PPL: variants seen among roughly 807,000 people sequenced by gnomAD.
PPL encodes periplakin, also known as 190 kDa paraneoplastic pemphigus antigen.
PPL carries 198 observed loss-of-function variants against 194.4 expected under a neutral mutation model. The ratio of observed to expected loss-of-function variants is 1.02; its 90% CI spans 0.91 to 1.15. PPL has a LOEUF of 1.15. PPL is among the 50% of genes most tolerant of loss of function. PPL has a pLI of 0.00. For synonymous variants in PPL, 1,220 were observed against 972.4 expected (o/e 1.25, Z -4.74); for missense variants, 2,885 against 2,294.8 (o/e 1.26, Z -5.25).
intron 1 of PPL, among the ~76,000 whole-genome samples, chr16:4,923,603 C>G (rs1358935043): frequency 6.6e-6 from 1 of 152,188 alleles, no homozygotes; most frequent in Admixed American, 6.5e-5. Flanking sequence ...TTCTACCCTG[C>G]CTGCAGGGGA....
At chr16:4,932,893 A>G (rs2089242959) in intron 1 of PPL, among the ~76,000 whole-genome samples, 1 of 152,092 alleles carries the variant, frequency 6.6e-6, no homozygotes, top group African/African-American at 2.4e-5. Flanking sequence ...TAGATGAAGA[A>G]ACTGAGGCTC....
chr16:4,935,043 C>T (rs79360010), intron 1 of PPL, among the ~76,000 whole-genome samples: 4,095 of 152,224 alleles, frequency 0.027, 72 homozygotes, highest in East Asian at 0.053. Context: ...GAGAAAGAGA[C>T]GTCTAAATGG....
At position 4,883,861 on chromosome 16, in the gene PPL, G is replaced by A. The variant is rs1481618034; in HGVS notation, c.4794C>T (p.Asn1598=). ...TGGTCCCAGAGTCCGCCACGGTCAT[G>A]TTCCGCAGGTCTCGTGTTTCCGTCG... The part of the protein sequence containing the change: ...MAATETRDLR[N]MTVADSGTNH... The change falls in exon 22 of 22, where the codon AAC becomes AAT. Residue 1598 remains asparagine (N), a synonymous_variant. Transcript: ENST00000345988. The surrounding 1 kb of genome is among the most constrained non-coding windows in gnomAD (Gnocchi z 4.8). 6.8e-6 allele frequency: 11 copies of A among 1,614,036 alleles called. No individual in the cohort carries two copies. Among genetic ancestry groups the A allele is most frequent in the Middle Eastern group, 1.6e-4 (1 of 6,062 alleles).
At chr16:4,906,631 G>A (rs1298746162) in intron 2 of PPL, among the ~76,000 whole-genome samples, 3 of 152,204 alleles carry the variant, frequency 2.0e-5, no homozygotes, top group Admixed American at 6.5e-5. Context: ...TGCCTAATTC[G>A]TGAAGGTGCC....
At chr16:4,889,238 G>GTTGGT (rs1596545589) in intron 18 of PPL, among the ~76,000 whole-genome samples, 177 bp from the exon 19 acceptor site, 1 of 21,788 alleles carries the variant, frequency 4.6e-5, no homozygotes, top group African/African-American at 7.5e-5. Flanking sequence ...TTTTGTTGTT[G>GTTGGT]TTGTTTTTTT....
intron 2 of PPL, among the ~76,000 whole-genome samples, chr16:4,905,688 A>T (rs551274510): frequency 6.6e-6 from 1 of 152,196 alleles, no homozygotes; most frequent in South Asian, 2.1e-4. Flanking sequence ...CGAAGTAAAG[A>T]CTTGGCTTCT....
Position 4,890,713 on chromosome 16 carries a change from C to A in PPL, c.2162+15G>T. The A allele has an allele frequency of 6.3e-7, 1 of 1,593,404 alleles. No individual in the cohort carries two copies. Among genetic ancestry groups the A allele is most frequent in the East Asian group, 2.3e-5 (1 of 44,408 alleles). ...CTCAGAAAACAAAAATGGCCACCACCCACCGCACCCTCACCTGCGTTCCAC... is the reference window on the plus strand; with the variant it reads ...CTCAGAAAACAAAAATGGCCACCACACACCGCACCCTCACCTGCGTTCCAC... On this transcript the variant is annotated intron_variant, in intron 17 of 21. Transcript: ENST00000345988.
chr16:4,930,594 C>A (rs1023595450), intron 1 of PPL, among the ~76,000 whole-genome samples: 1 of 152,204 alleles, frequency 6.6e-6, no homozygotes, highest in South Asian at 2.1e-4. Context: ...GGCAGCCACA[C>A]AGCCACATGT....
chr16:4,895,503 T>C, intron 10 of PPL, 91 bp downstream of exon 10: 2 of 1,602,984 alleles, frequency 1.2e-6, no homozygotes, highest in African/African-American at 2.7e-5. Flanking sequence ...GGTGGGGTGC[T>C]GTGGAGGGGC....
At chr16:4,906,229 GT>G (rs968569246) in intron 2 of PPL, among the ~76,000 whole-genome samples, 82 of 151,926 alleles carry the variant, frequency 5.4e-4, no homozygotes, top group African/African-American at 2.0e-3. Flanking sequence ...AATTTTTTTT[GT>G]TTTTTTATTT....
intron 2 of PPL, among the ~76,000 whole-genome samples, chr16:4,905,399 T>C (rs968372783): frequency 7.9e-5 from 12 of 152,070 alleles, no homozygotes; most frequent in African/African-American, 2.2e-4. Context: ...TCCAGAGAGA[T>C]GGAAAGTCAC....
rs2088196139 is a variant in PPL, at chr16:4,885,311, T to G, written c.3344A>C (p.Lys1115Thr). 1.2e-6 allele frequency: 2 copies of G among 1,612,446 alleles called. No individual in the cohort carries two copies. Among genetic ancestry groups the G allele is most frequent in the Non-Finnish European group, 8.5e-7 (1 of 1,179,978 alleles). ...GTCCTTCTCCACCTTGAGCACCTCC[T>G]TGACGGTGATCTTGCCCTCGGCCAT... ...RAMAEGKITV[K>T]EVLKVEKDAA... Residue 1115 changes from lysine (K) to threonine (T), a missense_variant, in exon 22 of 22, where the codon AAG becomes ACG. Coordinates refer to ENST00000345988, the MANE Select transcript of PPL (RefSeq NM_002705.5). The surrounding 1 kb of genome is among the most constrained non-coding windows in gnomAD (Gnocchi z 6.3).
At position 4,883,712 on chromosome 16, in the gene PPL, T is replaced by G; in HGVS notation, c.4943A>C (p.Glu1648Ala). ...KRLGSVAVKR[E>A]QRENHLRRSI... is the part of the protein sequence containing the mutation. The stretch of plus-strand genomic sequence containing the variant: ...GCGCCGCAGGTGGTTCTCCCGCTGC[T>G]CCCGCTTGACGGCCACGGAGCCCAG... The change falls in exon 22 of 22, where the codon GAG becomes GCG. Residue 1648 changes from glutamate (E) to alanine (A), a missense_variant. Glu to Ala is a moderately radical substitution (Grantham distance 107). Coordinates refer to ENST00000345988, the MANE Select transcript of PPL (RefSeq NM_002705.5). This position sits in a 1 kb window ranked among gnomAD's most constrained non-coding sequence, Gnocchi z 4.8. 1 of 1,613,966 alleles carries G rather than the reference T, an allele frequency of 6.2e-7. No individual in the cohort carries two copies. Among genetic ancestry groups the G allele is most frequent in the Non-Finnish European group, 8.5e-7 (1 of 1,179,990 alleles).
rs2088205588 is a variant in PPL, at chr16:4,885,698, C to G, written c.2957G>C (p.Arg986Thr). ...GACCACGTACTCCTGCCCCCCGTCT[C>G]TGGTCTCCTGCTCCAGGGCACGCAG... Reference protein sequence around the residue: ...LQLRALEQETRDGGQEYVVKE... With the variant: ...LQLRALEQETTDGGQEYVVKE... The change falls in exon 22 of 22, where the codon AGA becomes ACA. Residue 986 changes from arginine to threonine, a missense_variant. Transcript: ENST00000345988. This position sits in a 1 kb window ranked among gnomAD's most constrained non-coding sequence, Gnocchi z 6.3. 1.9e-6 allele frequency: 3 copies of G among 1,613,392 alleles called. No homozygotes were observed. In the East Asian group the frequency reaches 6.7e-5, roughly 36 times the overall value.
chr16:4,936,943 G>A (rs1338726292), intron 1 of PPL, 41 bp downstream of exon 1: 1 of 1,563,228 alleles, frequency 6.4e-7, no homozygotes, highest in Non-Finnish European at 8.7e-7. Context: ...CGCCCACAGG[G>A]GCAAGAGCGT....
chr16:4,891,568 T>A (rs2660244), intron 16 of PPL: 3 of 408,158 alleles, frequency 7.4e-6, no homozygotes, highest in Non-Finnish European at 1.3e-5. Flanking sequence ...CATGTGCCAC[T>A]ACACTGGCTA....
chr16:4,920,449 A>C (rs2142406673), intron 1 of PPL, among the ~76,000 whole-genome samples: 2 of 152,202 alleles, frequency 1.3e-5, no homozygotes, highest in Admixed American at 1.3e-4. Context: ...TCCCTGAAAC[A>C]GACTTGAGAT....
chr16:4,888,504 TCTG>T (rs2142333629), intron 19 of PPL, among the ~76,000 whole-genome samples: 1 of 152,320 alleles, frequency 6.6e-6, no homozygotes, highest in East Asian at 1.9e-4. Context: ...ATTTTCACAT[TCTG>T]CTGCTGCTTT....
intron 1 of PPL, among the ~76,000 whole-genome samples, chr16:4,926,712 A>G (rs1407211850): frequency 6.6e-6 from 1 of 151,992 alleles, no homozygotes; most frequent in Non-Finnish European, 1.5e-5. Context: ...CATCTCTACG[A>G]TAAATACAAA....
Sources: allele counts gnomAD v4.1 joint callset (sites outside exome capture counted in the v4.1 genomes callset), GRCh38; gene constraint gnomAD v4.1.1; non-coding constraint Gnocchi (gnomAD v3.1); transcripts MANE v1.5; gene names NCBI Gene and HGNC (gene_info 2026-07-23, HGNC 2026-07-21).